Variants in UMOD observed in about 807,000 individuals in gnomAD.
UMOD encodes the protein uromodulin.
In UMOD, 64 loss-of-function variants were observed where a neutral mutation model predicts 66.0. The ratio of observed to expected loss-of-function variants is 0.97; its 90% confidence interval spans 0.79 to 1.19. The LOEUF is 1.19. Ranked by LOEUF, UMOD falls within the 50% of genes most tolerant of loss-of-function variation. The pLI is 0.00. For synonymous variants in UMOD, 398 were observed against 352.7 expected, an observed-to-expected ratio of 1.13 and a Z score of -1.44; for missense variants, 764 against 850.9, an observed-to-expected ratio of 0.90 and a Z score of 1.27.
At chr16:20,340,516 A>G (rs193084327) in intron 7 of UMOD, among the ~76,000 whole-genome samples, 8 of 150,440 alleles carry the variant, frequency 5.3e-5, no homozygotes, top group Admixed American at 5.3e-4. Flanking sequence ...TATATTTGCC[A>G]ATACATATGT....
chr16:20,353,001 A>G (rs528126192), upstream of UMOD: 3 of 328,794 alleles, frequency 9.1e-6, no homozygotes, highest in African/African-American at 6.3e-5. Context: ...GTTAGAAATT[A>G]ACTGGGAAAG....
chr16:20,349,318 C>A, intron 2 of UMOD, 106 bp from the exon 3 acceptor site: 2 of 1,256,678 alleles, frequency 1.6e-6, no homozygotes, highest in Non-Finnish European at 2.2e-6. Flanking sequence ...AAGACTTATT[C>A]CCTAGAGGGC....
rs1343101855 is a variant in UMOD, at chr16:20,333,344, G to C, written c.1893C>G (p.Leu631=). 3.7e-6 allele frequency: 6 copies of C among 1,613,280 alleles called. No homozygotes were observed. In the African/African-American group the frequency reaches 4.0e-5, roughly 11 times the overall value. Residue 631 remains leucine, a synonymous_variant, in exon 11 of 11, where the codon CTC becomes CTG. Transcript: ENST00000396138. The part of the protein sequence containing the change: ...GLLKVWLPLL[L]SATLTLTFQ ...GAAAAGTCAGGGTCAAGGTGGCCGA[G>C]AGAAGCAGAGGCAGCCAGACTTTCA...
rs532988527 is a variant in UMOD at position 20,349,279 on chromosome 16, C to T, written c.89-67G>A. On this transcript the variant is annotated intron_variant, in intron 2 of 10. Transcript: ENST00000396138. ...GCCCATGGCCACCCAGAGATCCTTC[C>T]CTCATTCTCCAGGGAACTCATTATT... 3 of 1,535,944 alleles carry T rather than the reference C, an allele frequency of 2.0e-6. No homozygotes were observed. In the African/African-American group the frequency reaches 4.1e-5, roughly 21 times the overall value.
chr16:20,352,817 G>C, upstream of UMOD: 1 of 1,070,626 alleles, frequency 9.3e-7, no homozygotes, highest in Non-Finnish European at 1.2e-6. Flanking sequence ...GTTTTCTTGG[G>C]GGTGGAATAT....
intron 5 of UMOD, among the ~76,000 whole-genome samples, chr16:20,345,031 T>C (rs1965465292): frequency 6.6e-6 from 1 of 152,230 alleles, no homozygotes; most frequent in South Asian, 2.1e-4. Context: ...TTGTTTGTTT[T>C]GGGACAGAGT....
At chr16:20,338,904 C>T (rs530130129) in intron 7 of UMOD, among the ~76,000 whole-genome samples, 8 of 152,108 alleles carry the variant, frequency 5.3e-5, no homozygotes, top group South Asian at 2.1e-4. Context: ...GGATGACAGG[C>T]GCCCACCACC....
At chr16:20,351,477 G>T (rs1965891767) in intron 1 of UMOD, 1 of 156,250 alleles carries the variant, frequency 6.4e-6, no homozygotes, top group Non-Finnish European at 1.4e-5. Flanking sequence ...GTGGCATGTT[G>T]GTTAAGTATG....
intron 1 of UMOD, among the ~76,000 whole-genome samples, chr16:20,351,703 G>A (rs1452273472): frequency 1.3e-5 from 2 of 152,006 alleles, no homozygotes; most frequent in Non-Finnish European, 2.9e-5. Flanking sequence ...CCAGATCTTC[G>A]TGACCATGAT....
chr16:20,336,824 C>T (rs1212557002), intron 8 of UMOD, 97 bp from the exon 9 acceptor site: 1 of 1,124,692 alleles, frequency 8.9e-7, no homozygotes, highest in African/African-American at 1.5e-5. Flanking sequence ...GGTGCCTTCC[C>T]TTGCCCCAGG....
chr16:20,341,503 C>T (rs1191385314), intron 6 of UMOD, among the ~76,000 whole-genome samples, 167 bp from the exon 7 acceptor site: 5 of 152,160 alleles, frequency 3.3e-5, no homozygotes, highest in Admixed American at 6.5e-5. Context: ...AATAAGTACA[C>T]GCAGGTCAAC....
rs1596536744 is a variant in UMOD, at chr16:20,334,820, G to C, written c.1861+662C>G. ...CTCTTGGCACATGGTAGCACTCAAG[G>C]AATATTTGTCACCTATTTTTTTTTT... On this transcript the variant is annotated intron_variant, in intron 10 of 10. Coordinates refer to ENST00000396138, the MANE Select transcript of UMOD (RefSeq NM_003361.4). 2.7e-5 allele frequency among the ~76,000 whole-genome samples: 4 copies of C among 148,824 alleles called. No individual in the cohort carries two copies. The South Asian group carries it at 8.8e-4, about 33-fold the overall frequency.
In UMOD at chr16:20,348,761, C is replaced by T. The variant is rs1965733156; in HGVS notation, c.540G>A (p.Leu180=). Reference sequence around the variant, plus strand: ...ACTCGGTGCTGCGCCAGTACTCGTCCAGGGTGCGGTGCGCCTGGCACGGAT... The same window carrying T: ...ACTCGGTGCTGCGCCAGTACTCGTCTAGGGTGCGGTGCGCCTGGCACGGAT... ...CADPCQAHRT[L]DEYWRSTEYG... The change falls in exon 3 of 11, where the codon CTG becomes CTA. Residue 180 remains leucine (L), a synonymous_variant. Coordinates refer to ENST00000396138, the MANE Select transcript of UMOD (RefSeq NM_003361.4). The T allele has an allele frequency of 6.5e-7, 1 of 1,543,844 alleles. No individual in the cohort carries two copies. The highest frequency in any genetic ancestry group is 1.4e-5 in the African/African-American group (1 of 73,144).
intron 4 of UMOD, 31 bp downstream of exon 4, chr16:20,348,192 C>T: frequency 1.2e-6 from 2 of 1,604,066 alleles, no homozygotes; most frequent in Middle Eastern, 1.7e-4. Flanking sequence ...ACAGGTTTCT[C>T]AACAACCCGC....
chr16:20,340,536 T>C (rs920501136), intron 7 of UMOD, among the ~76,000 whole-genome samples: 1 of 151,106 alleles, frequency 6.6e-6, no homozygotes, highest in Non-Finnish European at 1.5e-5. Context: ...TATTGATAAT[T>C]CATTAAATAA....
intron 6 of UMOD, 35 bp downstream of exon 6, chr16:20,343,989 C>T (rs748278573): frequency 1.4e-5 from 22 of 1,612,222 alleles, no homozygotes; most frequent in Non-Finnish European, 1.6e-5. Context: ...GGGTTAGAAC[C>T]ATCTAGGGGC....
intron 2 of UMOD, 117 bp downstream of exon 2, chr16:20,350,533 C>A (rs1965838425): frequency 7.7e-7 from 1 of 1,300,084 alleles, no homozygotes; most frequent in Non-Finnish European, 1.1e-6. Flanking sequence ...CAATGCAAGT[C>A]TCAAGTGCGA....
intron 7 of UMOD, among the ~76,000 whole-genome samples, chr16:20,340,774 A>C (rs1965162721): frequency 6.6e-6 from 1 of 151,906 alleles, no homozygotes; most frequent in South Asian, 2.1e-4. Flanking sequence ...GGGGTGGATC[A>C]CTTGAGGTCA....
At chr16:20,333,422 T>C in intron 10 of UMOD, 47 bp from the exon 11 acceptor site, 1 of 1,564,598 alleles carries the variant, frequency 6.4e-7, no homozygotes, top group Non-Finnish European at 8.7e-7. Context: ...TGCTGTACTT[T>C]TGTGCAAATT....
Sources: gnomAD v4.1 joint callset for allele counts (sites outside exome capture counted in the v4.1 genomes callset) on GRCh38, gnomAD v4.1.1 for gene constraint, MANE v1.5 for transcripts, NCBI Gene and HGNC (gene_info 2026-07-23, HGNC 2026-07-21) for gene names.